PHKB: variants seen among roughly 807,000 people sequenced by gnomAD.
PHKB encodes the protein phosphorylase b kinase regulatory subunit beta.
A neutral mutation model predicts 152.1 loss-of-function variants in PHKB; 122 were observed. The ratio of observed to expected loss-of-function variants is 0.80; its 90% CI spans 0.69 to 0.93. PHKB has a LOEUF of 0.93. Among genes scored for constraint, PHKB ranks in the 40% least tolerant of loss-of-function variants. The probability of loss-of-function intolerance (pLI) is 0.00; values close to 1 mark genes in which losing one functional copy is unlikely to be tolerated. For synonymous variants in PHKB, 436 were observed against 464.9 expected (o/e 0.94, Z 0.80); for missense variants, 1,304 against 1,328.4 (o/e 0.98, Z 0.29).
At position 47,699,771 on chromosome 16, in the gene PHKB, G is replaced by T. The variant is rs1597192442; in HGVS notation, c.*405G>T. The T allele has an allele frequency of 2.4e-5, 6 of 250,750 alleles. No individual in the cohort carries two copies. In the East Asian group the frequency reaches 5.7e-4, roughly 24 times the overall value. 15.5% of individuals were successfully genotyped at this position (250,750 alleles called of 1,614,324 possible). On this transcript the variant is annotated 3_prime_UTR_variant, in exon 31 of 31. Coordinates refer to ENST00000323584, the MANE Select transcript of PHKB (RefSeq NM_000293.3). ...TGCATACTGGAAATCAAAAGATACT[G>T]AAAGAATGGTGAACTTCTCTTAGTG... is the stretch of plus-strand genomic sequence containing the variant.
intron 6 of PHKB, among the ~76,000 whole-genome samples, chr16:47,540,835 T>G (rs1336611991): frequency 6.3e-5 from 9 of 143,966 alleles, no homozygotes; most frequent in Non-Finnish European, 9.1e-5. Context: ...TTTTTTTTTT[T>G]TTTTTTTGGA....
At chr16:47,525,983 G>T (rs560369706) in intron 6 of PHKB, among the ~76,000 whole-genome samples, 18 of 152,270 alleles carry the variant, frequency 1.2e-4, no homozygotes, top group South Asian at 8.3e-4. Flanking sequence ...AGGATAGCTG[G>T]CCCTGGGGCA....
chr16:47,685,358 G>T (rs1298781885), intron 26 of PHKB, among the ~76,000 whole-genome samples: 1 of 152,158 alleles, frequency 6.6e-6, no homozygotes, highest in Non-Finnish European at 1.5e-5. Context: ...CTGGGAGCCG[G>T]AGGTTGCGGT....
In PHKB at chr16:47,547,568, G is replaced by A. The variant is rs577519809; in HGVS notation, c.710+20G>A. On this transcript the variant is annotated intron_variant, in intron 7 of 30. Coordinates refer to ENST00000323584, the MANE Select transcript of PHKB (RefSeq NM_000293.3). The stretch of plus-strand genomic sequence containing the variant: ...TTCGAGGTAATTTGCTGATTTCTGA[G>A]GTTTTTTTTTTAAATTAAATGTATG... 1.7e-5 allele frequency: 23 copies of A among 1,371,982 alleles called. No individual in the cohort carries two copies. The highest frequency in any genetic ancestry group is 2.1e-5 in the Non-Finnish European group (20 of 961,458). The allele number at this position is 1,371,982 out of a possible 1,614,324, so 85.0% of individuals were successfully genotyped here.
chr16:47,621,906 A>G (rs1055457000), intron 14 of PHKB, among the ~76,000 whole-genome samples: 12 of 152,192 alleles, frequency 7.9e-5, no homozygotes, highest in Admixed American at 6.5e-5. Flanking sequence ...CAGAACTGAG[A>G]AAAGTTGAAT....
intron 8 of PHKB, among the ~76,000 whole-genome samples, chr16:47,584,772 TA>T (rs1971907934): frequency 6.6e-6 from 1 of 152,238 alleles, no homozygotes. Context: ...GAAGATCATG[TA>T]CGATAGGTAG....
chr16:47,689,925 G>A (rs975451440), intron 27 of PHKB, among the ~76,000 whole-genome samples: 1 of 152,190 alleles, frequency 6.6e-6, no homozygotes, highest in Admixed American at 6.5e-5. Context: ...CATTCAACTA[G>A]CTGTTTTTAT....
intron 14 of PHKB, among the ~76,000 whole-genome samples, chr16:47,630,299 T>A (rs1382558875): frequency 6.6e-6 from 1 of 152,078 alleles, no homozygotes; most frequent in African/African-American, 2.4e-5. Context: ...CTGGCCAACA[T>A]GGTGAAACCT....
intron 7 of PHKB, among the ~76,000 whole-genome samples, chr16:47,571,969 C>T (rs896314004): frequency 2.6e-5 from 4 of 152,060 alleles, no homozygotes; most frequent in South Asian, 2.1e-4. Context: ...AATCCAGCTG[C>T]TTATCTGGGT....
chr16:47,658,407 T>C (rs1394501413), intron 20 of PHKB, among the ~76,000 whole-genome samples: 1 of 152,166 alleles, frequency 6.6e-6, no homozygotes, highest in Non-Finnish European at 1.5e-5. Context: ...ATCCCCTACC[T>C]TTCTTATTTC....
At position 47,615,247 on chromosome 16, in the gene PHKB, G is replaced by A. The variant is rs1003980793; in HGVS notation, c.1458+4327G>A. Reference sequence around the variant, plus strand: ...GCCCCTGCTGTGGAGCAGGGGTCGAGTAGACCTGTCATTGCTTTGAACCCT... The same window carrying A: ...GCCCCTGCTGTGGAGCAGGGGTCGAATAGACCTGTCATTGCTTTGAACCCT... On this transcript the variant is annotated intron_variant, in intron 14 of 30. Transcript: ENST00000323584. Among the ~76,000 whole-genome samples the A allele has an allele frequency of 1.2e-4, 18 of 152,170 alleles. 1 individual carries two copies. The highest frequency in any genetic ancestry group is 6.5e-4 in the Admixed American group (10 of 15,282).
At chr16:47,658,808 C>CTGTGTGTG (rs1567344658) in intron 20 of PHKB, among the ~76,000 whole-genome samples, 1 of 91,390 alleles carries the variant, frequency 1.1e-5, no homozygotes, top group African/African-American at 4.3e-5. Context: ...CAATGCATGA[C>CTGTGTGTG]AGTGTGTGTG....
At chr16:47,568,361 G>T (rs1277878788) in intron 7 of PHKB, among the ~76,000 whole-genome samples, 1 of 152,188 alleles carries the variant, frequency 6.6e-6, no homozygotes, top group African/African-American at 2.4e-5. Context: ...TTGTATTTCT[G>T]CAGTATCAGT....
intron 4 of PHKB, among the ~76,000 whole-genome samples, chr16:47,509,667 T>C (rs1259125871): frequency 6.6e-6 from 1 of 152,232 alleles, no homozygotes; most frequent in Non-Finnish European, 1.5e-5. Flanking sequence ...CAGTCACATG[T>C]AGCTAGTGCC....
chr16:47,697,994 C>T (rs1371466309), intron 29 of PHKB, among the ~76,000 whole-genome samples: 1 of 152,254 alleles, frequency 6.6e-6, no homozygotes, highest in East Asian at 1.9e-4. Flanking sequence ...GGCTCCAGGT[C>T]GTTTGATCCT....
rs148367620 is a variant in PHKB, at chr16:47,500,862, C to T, written c.305+968C>T. ...TTTCTGAATATTAATTTCCTGAAAG[C>T]GATCCATAGTTATGTTTCTGATTTA... On this transcript the variant is annotated intron_variant, in intron 3 of 30. Transcript: ENST00000323584. 2.3e-4 allele frequency among the ~76,000 whole-genome samples: 35 copies of T among 152,214 alleles called. No homozygotes were observed. In the East Asian group the frequency reaches 5.0e-3, roughly 22 times the overall value.
intron 14 of PHKB, among the ~76,000 whole-genome samples, chr16:47,617,685 G>GT (rs1432892041): frequency 6.6e-6 from 1 of 152,062 alleles, no homozygotes; most frequent in African/African-American, 2.4e-5. Flanking sequence ...TCATATATTA[G>GT]TGTGATAAGT....
At chr16:47,651,457 C>G in intron 20 of PHKB, among the ~76,000 whole-genome samples, 1 of 152,208 alleles carries the variant, frequency 6.6e-6, no homozygotes, top group South Asian at 2.1e-4. Context: ...TTCTGTCCCT[C>G]TGCTCACACC....
intron 6 of PHKB, among the ~76,000 whole-genome samples, chr16:47,520,437 A>C (rs923809008): frequency 2.0e-5 from 3 of 152,098 alleles, no homozygotes; most frequent in African/African-American, 7.2e-5. Flanking sequence ...TAAGTGGCTT[A>C]TCAAGGTCGC....
Sources: gnomAD v4.1 joint callset for allele counts (sites outside exome capture counted in the v4.1 genomes callset) on GRCh38, gnomAD v4.1.1 for gene constraint, MANE v1.5 for transcripts, NCBI Gene and HGNC (gene_info 2026-07-23, HGNC 2026-07-21) for gene names.